EYA2: variants seen among roughly 807,000 people sequenced by gnomAD.
The protein encoded by EYA2 is protein phosphatase EYA2.
A neutral mutation model predicts 69.2 loss-of-function variants in EYA2; 31 were observed. That is an observed-to-expected ratio of 0.45 (90% CI 0.34 to 0.60). The LOEUF is 0.60. Ranked by LOEUF, EYA2 falls within the 20% of genes least tolerant of loss-of-function variation. The pLI is 0.02. For missense variants in EYA2, 622 were observed against 701.2 expected (o/e 0.89, Z 1.28); for synonymous variants, 257 against 279.4 (o/e 0.92, Z 0.80).
intron 9 of EYA2, among the ~76,000 whole-genome samples, chr20:47,138,983 CTT>C (rs145151279): frequency 6.6e-6 from 1 of 152,214 alleles, no homozygotes; most frequent in Admixed American, 6.5e-5. Context: ...AATCAGAAAA[CTT>C]TTTTTCACTC....
chr20:47,072,443 C>T (rs1483196732), intron 6 of EYA2, among the ~76,000 whole-genome samples, 191 bp downstream of exon 6: 2 of 152,102 alleles, frequency 1.3e-5, no homozygotes, highest in African/African-American at 4.8e-5. Flanking sequence ...CAGGCGGAGA[C>T]GTAGGAATTG....
At chr20:47,085,453 CT>C (rs1424163551) in intron 7 of EYA2, among the ~76,000 whole-genome samples, 3 of 151,944 alleles carry the variant, frequency 2.0e-5, no homozygotes, top group Non-Finnish European at 4.4e-5. Flanking sequence ...CGAGACCACC[CT>C]GGCCAACATG....
At chr20:47,083,612 A>T (rs1403045099) in intron 7 of EYA2, among the ~76,000 whole-genome samples, 1 of 150,788 alleles carries the variant, frequency 6.6e-6, no homozygotes, top group African/African-American at 2.4e-5. Flanking sequence ...ACAACTGATT[A>T]TCTATACTTC....
chr20:47,018,699 C>T (rs1983562776), intron 5 of EYA2, among the ~76,000 whole-genome samples: 1 of 152,230 alleles, frequency 6.6e-6, no homozygotes, highest in Non-Finnish European at 1.5e-5. Flanking sequence ...CTATCCTCCC[C>T]AGAGCAGGAT....
intron 5 of EYA2, among the ~76,000 whole-genome samples, chr20:47,061,560 T>C (rs1441431532): frequency 6.6e-6 from 1 of 152,092 alleles, no homozygotes; most frequent in African/African-American, 2.4e-5. Flanking sequence ...TCTTAATTCA[T>C]GTTTCCTGCT....
intron 8 of EYA2, among the ~76,000 whole-genome samples, chr20:47,094,071 C>T (rs1484543061): frequency 6.6e-6 from 1 of 152,176 alleles, no homozygotes; most frequent in Non-Finnish European, 1.5e-5. Flanking sequence ...CCATGATGGC[C>T]TAGGGAATAG....
At chr20:46,987,948 CTCTCTCTCTCTCTCTCTA>C (rs1301637759) in intron 1 of EYA2, among the ~76,000 whole-genome samples, 2 of 41,624 alleles carry the variant, frequency 4.8e-5, no homozygotes, top group East Asian at 1.2e-3. Context: ...CTCTCTCTCT[CTCTCTCTCTCTCTCTCTA>C]TATATATATA....
At chr20:47,120,405 G>A (rs1423545137) in intron 9 of EYA2, among the ~76,000 whole-genome samples, 1 of 152,112 alleles carries the variant, frequency 6.6e-6, no homozygotes, top group Non-Finnish European at 1.5e-5. Context: ...CAGTGCTATG[G>A]ATTTTACCTA....
intron 1 of EYA2, among the ~76,000 whole-genome samples, chr20:46,987,964 C>CTCTCTATATATATA (rs1555809797): frequency 1.8e-4 from 2 of 11,270 alleles, no homozygotes; most frequent in African/African-American, 2.8e-4. Flanking sequence ...CTCTCTCTCT[C>CTCTCTATATATATA]TATATATATA....
At chr20:47,054,599 A>G (rs2030509088) in intron 5 of EYA2, among the ~76,000 whole-genome samples, 1 of 151,994 alleles carries the variant, frequency 6.6e-6, no homozygotes, top group South Asian at 2.1e-4. Context: ...AAATGAGCAC[A>G]TTCACCCCTC....
chr20:47,097,656 A>G (rs1258829087), intron 9 of EYA2, among the ~76,000 whole-genome samples: 1 of 152,198 alleles, frequency 6.6e-6, no homozygotes, highest in East Asian at 1.9e-4. Context: ...ATCATCAACA[A>G]ATTATGTCGG....
chr20:47,038,936 T>C (rs1161867828), intron 5 of EYA2, among the ~76,000 whole-genome samples: 1 of 152,150 alleles, frequency 6.6e-6, no homozygotes, highest in Non-Finnish European at 1.5e-5. Flanking sequence ...AACATTGATC[T>C]TTTTCACAGC....
intron 7 of EYA2, among the ~76,000 whole-genome samples, chr20:47,088,400 C>T (rs1308796660): frequency 6.6e-6 from 1 of 152,048 alleles, no homozygotes; most frequent in East Asian, 1.9e-4. Flanking sequence ...ATACGTGTTG[C>T]CCTCCTTCTG....
At chr20:46,958,064 T>G (rs2146284126) in intron 1 of EYA2, among the ~76,000 whole-genome samples, 1 of 152,294 alleles carries the variant, frequency 6.6e-6, no homozygotes, top group East Asian at 1.9e-4. Flanking sequence ...TCGCTAAGAC[T>G]TATCACCATG....
chr20:47,170,602 G>A (rs12625973), intron 11 of EYA2, among the ~76,000 whole-genome samples: 2,774 of 151,154 alleles, frequency 0.018, 116 homozygotes, highest in East Asian at 0.17. Flanking sequence ...AGCCGAGATC[G>A]TGCCACTGCA....
chr20:46,962,139 C>A (rs1979514572), intron 1 of EYA2, among the ~76,000 whole-genome samples: 1 of 152,224 alleles, frequency 6.6e-6, no homozygotes, highest in African/African-American at 2.4e-5. Context: ...AGTGATCCTC[C>A]CACCTCAGCC....
intron 1 of EYA2, among the ~76,000 whole-genome samples, chr20:46,956,300 A>G (rs558089425): frequency 2.3e-4 from 35 of 152,388 alleles, no homozygotes; most frequent in Non-Finnish European, 4.1e-4. Flanking sequence ...TAACAGCTGC[A>G]TAAAATTCCA....
At chr20:47,084,973 C>T (rs1568768303) in intron 7 of EYA2, among the ~76,000 whole-genome samples, 1 of 151,612 alleles carries the variant, frequency 6.6e-6, no homozygotes, top group Non-Finnish European at 1.5e-5. Flanking sequence ...GTAGCTGGGA[C>T]TATGGGTGTG....
chr20:46,975,692 A>C (rs1980417734), intron 1 of EYA2, among the ~76,000 whole-genome samples: 1 of 152,102 alleles, frequency 6.6e-6, no homozygotes, highest in Non-Finnish European at 1.5e-5. Flanking sequence ...AGGCGGGTGG[A>C]TCACCTGAGG....
Sources: gnomAD v4.1 joint callset for allele counts (sites outside exome capture counted in the v4.1 genomes callset) on GRCh38, gnomAD v4.1.1 for gene constraint, MANE v1.5 for transcripts, NCBI Gene and HGNC (gene_info 2026-07-23, HGNC 2026-07-21) for gene names.